ZNF423: variants seen among roughly 807,000 people sequenced by gnomAD.
ZNF423 encodes zinc finger protein 423, also known as Ebf-associated zinc finger protein.
Under a neutral mutation model 95.8 loss-of-function variants are expected in ZNF423, and 12 were observed. The ratio of observed to expected loss-of-function variants is 0.13; its 90% confidence interval spans 0.08 to 0.20. ZNF423 has a LOEUF of 0.20. Among genes scored for constraint, ZNF423 ranks in the 10% least tolerant of loss-of-function variants. ZNF423 has a pLI of 1.00. For missense variants in ZNF423, 1,316 were observed against 1,737.1 expected (o/e 0.76, Z 4.31); for synonymous variants, 749 against 711.9 (o/e 1.05, Z -0.83).
chr16:49,818,588 AAAAT>A (rs139851272), intron 1 of ZNF423, among the ~76,000 whole-genome samples: 7,421 of 152,178 alleles, frequency 0.049, 223 homozygotes, highest in South Asian at 0.11. Context: ...CCCATGTCTA[AAAAT>A]AAATAAAAAA....
At chr16:49,798,726 T>G (rs954635134) in intron 1 of ZNF423, among the ~76,000 whole-genome samples, 3 of 152,186 alleles carry the variant, frequency 2.0e-5, no homozygotes, top group Admixed American at 1.3e-4. Flanking sequence ...ACAGGCAATT[T>G]TGGCAATGCT....
chr16:49,536,395 AG>A (rs1237251899), intron 5 of ZNF423, among the ~76,000 whole-genome samples: 1 of 150,204 alleles, frequency 6.7e-6, no homozygotes, highest in Non-Finnish European at 1.5e-5. Context: ...TCAATCTAGT[AG>A]TTACTGGCCA....
In ZNF423 at chr16:49,511,923, G is replaced by GC. The variant is rs556349566; in HGVS notation, c.3849+11700dup. ...AAGGGCAAAGCTCAGGCTCCACAGT[G>GC]CCCCTTAATGTCACATGGGGGCCCA... On this transcript the variant is annotated intron_variant, in intron 7 of 7. Coordinates refer to ENST00000563137, the MANE Select transcript of ZNF423 (RefSeq NM_001379286.1). Among the ~76,000 whole-genome samples the GC allele has an allele frequency of 3.6e-3, 547 of 152,258 alleles. 2 individuals carry two copies. The highest frequency in any genetic ancestry group is 0.013 in the African/African-American group (524 of 41,550).
intron 7 of ZNF423, chr16:49,517,834 A>T (rs1463428518): frequency 7.4e-6 from 3 of 405,964 alleles, no homozygotes; most frequent in Non-Finnish European, 1.4e-5. Flanking sequence ...TATGCTGCTT[A>T]CTGTTCCCGC....
Position 49,850,386 on chromosome 16 carries a change from G to A in ZNF423, c.40+5349C>T, listed in dbSNP as rs573657381. On this transcript the variant is annotated intron_variant, in intron 1 of 7. Transcript: ENST00000563137. ...CCTTGCAAGCTGACGGGAATTTGCA[G>A]AAATTGTCAAATTCTCCAACCACAG... 1.9e-3 allele frequency among the ~76,000 whole-genome samples: 296 copies of A among 152,324 alleles called. 3 individuals carry two copies. The highest frequency in any genetic ancestry group is 6.8e-3 in the African/African-American group (284 of 41,566).
At chr16:49,516,066 C>CAGAAATAGAGGGTCCTA (rs1392908680) in intron 7 of ZNF423, among the ~76,000 whole-genome samples, 1 of 152,204 alleles carries the variant, frequency 6.6e-6, no homozygotes, top group Non-Finnish European at 1.5e-5. Flanking sequence ...GGACGTGGCT[C>CAGAAATAGAGGGTCCTA]AGAAATAGAG....
rs1036276285 is a variant in ZNF423, at chr16:49,637,696, G to A, written c.1480C>T (p.Pro494Ser). ...NISAFHCNYC[P>S]EMFADINSLQ... ...CTATTGATGTCGGCGAACATCTCGG[G>A]GCAGTAGTTGCAGTGGAAGGCAGAG... Residue 494 changes from proline (P) to serine (S), a missense_variant, in exon 4 of 8, where the codon CCC becomes TCC. Physicochemically the swap from Pro to Ser is moderately conservative, Grantham distance 74. Coordinates refer to ENST00000563137, the MANE Select transcript of ZNF423 (RefSeq NM_001379286.1). The surrounding 1 kb of genome is among the most constrained non-coding windows in gnomAD (Gnocchi z 5.6). 1 of 1,614,178 alleles carries A rather than the reference G, an allele frequency of 6.2e-7. No individual in the cohort carries two copies. Among genetic ancestry groups the A allele is most frequent in the African/African-American group, 1.3e-5 (1 of 75,058 alleles).
chr16:49,682,404 G>A (rs1376423488), intron 3 of ZNF423, among the ~76,000 whole-genome samples: 1 of 152,216 alleles, frequency 6.6e-6, no homozygotes, highest in African/African-American at 2.4e-5. Context: ...GGTGCAGAAG[G>A]CCCGGCCCCA....
At chr16:49,818,756 G>A (rs1040294653) in intron 1 of ZNF423, among the ~76,000 whole-genome samples, 5 of 151,916 alleles carry the variant, frequency 3.3e-5, no homozygotes, top group Non-Finnish European at 2.9e-5. Context: ...GTGTGATGGT[G>A]AACGCCTGTA....
At chr16:49,798,765 C>T (rs2034537838) in intron 1 of ZNF423, among the ~76,000 whole-genome samples, 1 of 152,140 alleles carries the variant, frequency 6.6e-6, no homozygotes, top group Non-Finnish European at 1.5e-5. Context: ...GACTTTAGAA[C>T]CAGCACCTCT....
At chr16:49,852,732 G>T (rs550211129) in intron 1 of ZNF423, among the ~76,000 whole-genome samples, 5 of 152,058 alleles carry the variant, frequency 3.3e-5, no homozygotes, top group East Asian at 1.9e-4. Context: ...AAATTACAAG[G>T]CTTCTGAAAA....
chr16:49,616,993 C>T (rs993309746), intron 5 of ZNF423, among the ~76,000 whole-genome samples: 1 of 152,208 alleles, frequency 6.6e-6, no homozygotes, highest in Admixed American at 6.5e-5. Flanking sequence ...CCAAACAGTG[C>T]CAACCAGTAG....
At chr16:49,527,236 T>A (rs949895323) in intron 5 of ZNF423, among the ~76,000 whole-genome samples, 1 of 152,084 alleles carries the variant, frequency 6.6e-6, no homozygotes, top group Non-Finnish European at 1.5e-5. Flanking sequence ...CTACCGGGTG[T>A]TTGTCATGCC....
Position 49,601,846 on chromosome 16 carries a change from G to A in ZNF423, c.3601+24324C>T, listed in dbSNP as rs77865714. 6.3e-3 allele frequency among the ~76,000 whole-genome samples: 959 copies of A among 152,354 alleles called. 8 individuals are homozygous for A. The highest frequency in any genetic ancestry group is 0.022 in the African/African-American group (926 of 41,588). Reference sequence around the variant, plus strand: ...AGAGGAAGCAGGAGCCAGGGCGGAGGAAACAGATGGGCAGCCTCAGGCAGG... The same window carrying A: ...AGAGGAAGCAGGAGCCAGGGCGGAGAAAACAGATGGGCAGCCTCAGGCAGG... On this transcript the variant is annotated intron_variant, in intron 5 of 7. Coordinates refer to ENST00000563137, the MANE Select transcript of ZNF423 (RefSeq NM_001379286.1).
At chr16:49,506,743 G>T (rs1967660674) in intron 7 of ZNF423, among the ~76,000 whole-genome samples, 1 of 152,096 alleles carries the variant, frequency 6.6e-6, no homozygotes, top group Admixed American at 6.5e-5. Flanking sequence ...GGAGAGATGG[G>T]TAGGTGGACG....
rs1232963756 is a variant in ZNF423 at position 49,856,062 on chromosome 16, G to T, written c.-288C>A. ...GTCCGGGGCTCCCGATCCAAGCGGC[G>T]GTCCCAGCGGCGCGGGGAGTCCGGA... On this transcript the variant is annotated 5_prime_UTR_variant, in exon 1 of 8. Coordinates refer to ENST00000563137, the MANE Select transcript of ZNF423 (RefSeq NM_001379286.1). 1.4e-5 allele frequency: 2 copies of T among 144,140 alleles called. No individual in the cohort carries two copies. Among genetic ancestry groups the T allele is most frequent in the Non-Finnish European group, 3.0e-5 (2 of 66,586 alleles). The allele number at this position is 144,140 out of a possible 1,614,324, so 8.9% of individuals were successfully genotyped here. A position where few individuals can be genotyped will look rare whatever the true frequency, so the allele number is the denominator to read the frequency against.
chr16:49,723,321 C>G (rs867259126), intron 3 of ZNF423, among the ~76,000 whole-genome samples: 1 of 152,158 alleles, frequency 6.6e-6, no homozygotes, highest in Non-Finnish European at 1.5e-5. Context: ...AACATCTAAC[C>G]ACCAGTGTGG....
intron 3 of ZNF423, among the ~76,000 whole-genome samples, chr16:49,645,624 G>A (rs542977981): frequency 1.1e-3 from 164 of 152,306 alleles, no homozygotes; most frequent in Non-Finnish European, 2.0e-3. Context: ...CCAAAATCCT[G>A]TTGGTCACAG....
intron 5 of ZNF423, among the ~76,000 whole-genome samples, chr16:49,621,756 T>C (rs1972091867): frequency 6.6e-6 from 1 of 152,114 alleles, no homozygotes; most frequent in Non-Finnish European, 1.5e-5. Flanking sequence ...TTTACTGGGA[T>C]TGCAGAGCCA....
Sources: allele counts gnomAD v4.1 joint callset (sites outside exome capture counted in the v4.1 genomes callset), GRCh38; gene constraint gnomAD v4.1.1; non-coding constraint Gnocchi (gnomAD v3.1); transcripts MANE v1.5; gene names NCBI Gene and HGNC (gene_info 2026-07-23, HGNC 2026-07-21).